Variants in MKRN2OS observed in about 807,000 individuals in gnomAD.
MKRN2OS encodes the protein MKRN2 opposite strand protein.
MKRN2OS carries 17 observed loss-of-function variants against 18.2 expected under a neutral mutation model. That is an observed-to-expected ratio of 0.93 (90% confidence interval 0.64 to 1.40). The LOEUF (loss-of-function observed/expected upper bound fraction) is 1.40. MKRN2OS is among the 40% of genes most tolerant of loss of function. The probability of loss-of-function intolerance (pLI) is 0.00; values close to 1 mark genes in which losing one functional copy is unlikely to be tolerated. For missense variants in MKRN2OS, 337 were observed against 283.0 expected, an observed-to-expected ratio of 1.19 and a Z score of -1.37; for synonymous variants, 121 against 108.5, an observed-to-expected ratio of 1.12 and a Z score of -0.72.
intron 1 of MKRN2OS, chr3:12,557,010 G>T (rs1016010509): frequency 7.4e-5 from 73 of 983,562 alleles, no homozygotes; most frequent in Non-Finnish European, 9.0e-5. Flanking sequence ...CGCTACAAAG[G>T]TGCCACACCG....
At chr3:12,540,912 G>T (rs1270194555) in intron 3 of MKRN2OS, among the ~76,000 whole-genome samples, 1 of 150,258 alleles carries the variant, frequency 6.7e-6, no homozygotes, top group African/African-American at 2.5e-5. Context: ...AATTCTGGGG[G>T]ATGCTTGGTC....
At chr3:12,551,961 C>A (rs573495472), downstream of MKRN2OS, among the ~76,000 whole-genome samples, 2 of 151,670 alleles carry the variant, frequency 1.3e-5, no homozygotes, top group East Asian at 3.9e-4. Context: ...AAAAAAAAAT[C>A]AAGATGATAC....
At chr3:12,560,312 T>G (rs865983916) in intron 1 of MKRN2OS, among the ~76,000 whole-genome samples, 2 of 152,264 alleles carry the variant, frequency 1.3e-5, no homozygotes, top group South Asian at 4.1e-4. Context: ...CTGACTTCAG[T>G]GTCTTCACCA....
chr3:12,551,684 C>T (rs966806199), downstream of MKRN2OS, among the ~76,000 whole-genome samples: 1 of 151,994 alleles, frequency 6.6e-6, no homozygotes, highest in Non-Finnish European at 1.5e-5. Context: ...ACCTGTAATC[C>T]CAGCACTTTG....
chr3:12,551,051 CAG>C (rs60578140), downstream of MKRN2OS, among the ~76,000 whole-genome samples: 3,031 of 152,242 alleles, frequency 0.02, 93 homozygotes, highest in African/African-American at 0.069. Context: ...TGGGACATGA[CAG>C]AGGCAAAATC....
intron 1 of MKRN2OS, 28 bp from the exon 2 acceptor site, chr3:12,543,257 T>C (rs1027805397): frequency 1.3e-6 from 2 of 1,526,488 alleles, no homozygotes; most frequent in Non-Finnish European, 1.8e-6. Flanking sequence ...TGTTTTTTTT[T>C]GGTTTGCATG....
chr3:12,548,513 T>C (rs955767118), upstream of MKRN2OS, among the ~76,000 whole-genome samples: 1 of 145,794 alleles, frequency 6.9e-6, no homozygotes, highest in Admixed American at 7.0e-5. Flanking sequence ...ACATCTGTAG[T>C]CCCACCTACT....
At chr3:12,547,629 T>C (rs1052885752), upstream of MKRN2OS, among the ~76,000 whole-genome samples, 1 of 152,170 alleles carries the variant, frequency 6.6e-6, no homozygotes, top group Non-Finnish European at 1.5e-5. Context: ...ACAATATCAG[T>C]GATACAGGTC....
In MKRN2OS at chr3:12,541,907, G is replaced by A. The variant is rs779990266; in HGVS notation, c.384C>T (p.Asp128=). The A allele has an allele frequency of 5.2e-6, 8 of 1,535,934 alleles. No individual in the cohort carries two copies. Among genetic ancestry groups the A allele is most frequent in the Admixed American group, 3.9e-5 (2 of 50,966 alleles). ...AGGTGGAGAAGTCTTCCAGGTACTTGTCCCATTGCTCCATCATTCCATACA... is the reference window on the plus strand; with the variant it reads ...AGGTGGAGAAGTCTTCCAGGTACTTATCCCATTGCTCCATCATTCCATACA... The part of the protein sequence containing the change: ...PNMYGMMEQW[D]KYLEDFSTSG... Residue 128 remains aspartate (D), a synonymous_variant, in exon 3 of 4, where the codon GAC becomes GAT. Coordinates refer to ENST00000564146, the MANE Select transcript of MKRN2OS (RefSeq NM_001195279.2).
At chr3:12,557,502 C>G (rs772742607) in intron 1 of MKRN2OS, among the ~76,000 whole-genome samples, 3 of 152,226 alleles carry the variant, frequency 2.0e-5, no homozygotes, top group Non-Finnish European at 4.4e-5. Flanking sequence ...CTGGGGCTTA[C>G]GCTTTAACTG....
Position 12,541,967 on chromosome 3 carries a change from T to G in MKRN2OS, c.324A>C (p.Glu108Asp). 6.5e-7 allele frequency: 1 copy of G among 1,536,086 alleles called. No homozygotes were observed. Among genetic ancestry groups the G allele is most frequent in the South Asian group, 1.2e-5 (1 of 84,050 alleles). ...HGVQRDGEGW[E>D]ESISIPLLQP... ...GCAGTAATGGGATGCTTATGCTCTC[T>G]TCCCACCCTTCTCCGTCTCGCTGGA... Residue 108 changes from glutamate to aspartate, a missense_variant, in exon 3 of 4, where the codon GAA becomes GAC. Transcript: ENST00000564146.
chr3:12,553,977 C>T (rs2057946927), exon 2 of MKRN2OS: 1 of 152,230 alleles, frequency 6.6e-6, no homozygotes, highest in African/African-American at 2.4e-5. Flanking sequence ...AGACCCTCGG[C>T]GCACGTCTGC....
chr3:12,543,242 AG>A lies in MKRN2OS; in HGVS notation c.219-14del. On this transcript the variant is annotated splice_polypyrimidine_tract_variant and intron_variant, in intron 1 of 3. Transcript: ENST00000564146. ...TCCATCATACTCTCTGAAAGAAACA[AG>A]GTTTGTTTTTTTTTGGTTTGCATGT... 1 of 1,527,306 alleles carries A rather than the reference AG, an allele frequency of 6.5e-7. No individual in the cohort carries two copies. The highest frequency in any genetic ancestry group is 8.7e-7 in the Non-Finnish European group (1 of 1,144,078). The allele number at this position is 1,527,306 out of a possible 1,614,324, so 94.6% of individuals were successfully genotyped here.
intron 1 of MKRN2OS, among the ~76,000 whole-genome samples, chr3:12,555,049 C>T (rs2125295685): frequency 6.6e-6 from 1 of 152,298 alleles, no homozygotes; most frequent in East Asian, 1.9e-4. Context: ...GTGGCTCTCG[C>T]CCGTAATCCC....
upstream of MKRN2OS, among the ~76,000 whole-genome samples, chr3:12,547,079 G>T (rs779186909): frequency 1.3e-5 from 2 of 151,970 alleles, no homozygotes; most frequent in Admixed American, 6.6e-5. Flanking sequence ...CTGTGCTCTA[G>T]CCTGGGCGAC....
chr3:12,551,440 A>C (rs1484786689), downstream of MKRN2OS, among the ~76,000 whole-genome samples: 1 of 152,006 alleles, frequency 6.6e-6, no homozygotes, highest in Non-Finnish European at 1.5e-5. Context: ...GGCTGTGGTG[A>C]GCCAAGATTG....
chr3:12,548,447 C>CAA (rs1215377576), upstream of MKRN2OS, among the ~76,000 whole-genome samples: 119 of 19,068 alleles, frequency 6.2e-3, 3 homozygotes, highest in African/African-American at 8.1e-3. Context: ...GACTCCGTCT[C>CAA]AAAAAAAAAA....
upstream of MKRN2OS, among the ~76,000 whole-genome samples, chr3:12,546,764 G>C (rs901517237): frequency 2.6e-5 from 4 of 151,920 alleles, no homozygotes; most frequent in African/African-American, 9.7e-5. Context: ...TTTTAGTAGA[G>C]ATGGGGTTTC....
At position 12,556,171 on chromosome 3, in the gene MKRN2OS, GA is replaced by G. The variant is rs1473234435; in HGVS notation, n.265-2038del. Among the ~76,000 whole-genome samples, 4 of 152,238 alleles carry G rather than the reference GA, an allele frequency of 2.6e-5. No individual in the cohort carries two copies. In the East Asian group the frequency reaches 7.7e-4, roughly 29 times the overall value. ...TAAAAATAGATTTTTACCAGGAACG[GA>G]AGCCAGAAGACCAGTTAAAAGGCTA... On this transcript the variant is annotated intron_variant and non_coding_transcript_variant, in intron 1 of 1. Coordinates refer to the MKRN2OS transcript ENST00000447550.
Sources: allele counts gnomAD v4.1 joint callset (sites outside exome capture counted in the v4.1 genomes callset), GRCh38; gene constraint gnomAD v4.1.1; transcripts MANE v1.5; gene names NCBI Gene and HGNC (gene_info 2026-07-23, HGNC 2026-07-21).